The following SNX9 variants were observed in gnomAD, a reference collection of about 807,000 sequenced individuals.
The protein encoded by SNX9 is sorting nexin 9.
Under a neutral mutation model 89.4 loss-of-function variants are expected in SNX9, and 44 were observed. That is an observed-to-expected ratio of 0.49 (90% CI 0.39 to 0.63). SNX9 has a LOEUF of 0.63. Ranked by LOEUF, SNX9 falls within the 30% of genes least tolerant of loss-of-function variation. The probability of loss-of-function intolerance (pLI) is 0.00; values close to 1 mark genes in which losing one functional copy is unlikely to be tolerated. For missense variants in SNX9, 578 were observed against 736.1 expected, an observed-to-expected ratio of 0.79 and a Z score of 2.49; for synonymous variants, 236 against 247.8, an observed-to-expected ratio of 0.95 and a Z score of 0.45.
intron 9 of SNX9, among the ~76,000 whole-genome samples, chr6:157,913,290 A>G (rs11967737): frequency 0.03 from 4,550 of 151,718 alleles, 225 homozygotes; most frequent in African/African-American, 0.1. Flanking sequence ...GCATAATACT[A>G]TCTATCTATA....
chr6:157,835,577 A>G (rs141567144), intron 1 of SNX9, among the ~76,000 whole-genome samples: 2 of 151,670 alleles, frequency 1.3e-5, no homozygotes, highest in Admixed American at 6.6e-5. Flanking sequence ...TCCCCACCCA[A>G]ATCTCATCTT....
At chr6:157,934,810 C>G (rs1488958077) in intron 13 of SNX9, among the ~76,000 whole-genome samples, 8 of 152,046 alleles carry the variant, frequency 5.3e-5, no homozygotes, top group Non-Finnish European at 5.9e-5. Flanking sequence ...AAAAAAAATA[C>G]AGTTTGCCTT....
At chr6:157,869,731 T>A (rs773752143) in intron 2 of SNX9, among the ~76,000 whole-genome samples, 1 of 152,148 alleles carries the variant, frequency 6.6e-6, no homozygotes, top group Non-Finnish European at 1.5e-5. Flanking sequence ...TGTAGGTCTG[T>A]GAGACACCCC....
chr6:157,856,938 C>G (rs901473846), intron 1 of SNX9, among the ~76,000 whole-genome samples: 1 of 151,906 alleles, frequency 6.6e-6, no homozygotes, highest in Non-Finnish European at 1.5e-5. Flanking sequence ...AAAAAATGAT[C>G]TCATTCTATT....
chr6:157,890,048 G>C (rs375646282), intron 4 of SNX9, among the ~76,000 whole-genome samples: 1 of 152,228 alleles, frequency 6.6e-6, no homozygotes, highest in African/African-American at 2.4e-5. Context: ...TTCAAACCCA[G>C]ATAGCAGGCT....
intron 10 of SNX9, among the ~76,000 whole-genome samples, chr6:157,925,624 T>G (rs936091605): frequency 3.3e-5 from 5 of 152,024 alleles, no homozygotes; most frequent in African/African-American, 1.2e-4. Flanking sequence ...TATACAGCAA[T>G]GAAATGAATG....
At chr6:157,892,228 G>A (rs1271719600) in intron 4 of SNX9, among the ~76,000 whole-genome samples, 1 of 152,322 alleles carries the variant, frequency 6.6e-6, no homozygotes, top group Non-Finnish European at 1.5e-5. Context: ...CTACCAAGGG[G>A]ATTTGGGAGT....
At chr6:157,910,946 C>G (rs1487178029) in intron 9 of SNX9, among the ~76,000 whole-genome samples, 3 of 151,932 alleles carry the variant, frequency 2.0e-5, no homozygotes, top group African/African-American at 7.3e-5. Flanking sequence ...ACGGTGTAAC[C>G]CTGTCTCTAC....
intron 6 of SNX9, among the ~76,000 whole-genome samples, chr6:157,904,862 T>C (rs1783178095): frequency 6.6e-6 from 1 of 152,140 alleles, no homozygotes; most frequent in African/African-American, 2.4e-5. Context: ...GGTAAATGGA[T>C]AGCGGCAGTC....
chr6:157,831,318 T>G (rs1781474443), intron 1 of SNX9, among the ~76,000 whole-genome samples: 1 of 152,226 alleles, frequency 6.6e-6, no homozygotes, highest in Non-Finnish European at 1.5e-5. Flanking sequence ...GATTTGTGTG[T>G]GCTGATACCA....
intron 4 of SNX9, 152 bp downstream of exon 4, chr6:157,875,328 T>A: frequency 9.4e-7 from 1 of 1,065,234 alleles, no homozygotes; most frequent in Non-Finnish European, 1.3e-6. Context: ...TGTTGGGTAC[T>A]AACAAAGAAA....
intron 4 of SNX9, among the ~76,000 whole-genome samples, chr6:157,882,778 G>A (rs1782652536): frequency 6.6e-6 from 1 of 152,248 alleles, no homozygotes; most frequent in South Asian, 2.1e-4. Flanking sequence ...CAGATGAGGA[G>A]TTGCTTCTTA....
chr6:157,873,898 C>G (rs552654474), intron 3 of SNX9, among the ~76,000 whole-genome samples: 42 of 152,148 alleles, frequency 2.8e-4, no homozygotes, highest in Non-Finnish European at 5.1e-4. Context: ...GGGACACCCC[C>G]AAGCTGAGCC....
chr6:157,839,493 G>A (rs1370925406), intron 1 of SNX9, among the ~76,000 whole-genome samples: 1 of 152,218 alleles, frequency 6.6e-6, no homozygotes, highest in Admixed American at 6.5e-5. Flanking sequence ...ACTTTGAAAA[G>A]TTACTTACTG....
rs113300455 is a variant in SNX9, at chr6:157,900,140, A to C, written c.473-1758A>C. The stretch of plus-strand genomic sequence containing the variant: ...CACCTTTCTACTTTCTGCTTCTATA[A>C]GTTTTTTAGATTTTTTTAAAGACCT... On this transcript the variant is annotated intron_variant, in intron 5 of 17. Transcript: ENST00000392185. 1.5e-3 allele frequency among the ~76,000 whole-genome samples: 221 copies of C among 151,990 alleles called. 1 individual carries two copies. Among genetic ancestry groups the C allele is most frequent in the African/African-American group, 4.2e-3 (176 of 41,444 alleles).
intron 7 of SNX9, among the ~76,000 whole-genome samples, chr6:157,908,991 T>TTG (rs1429188877): frequency 6.6e-5 from 10 of 152,224 alleles, no homozygotes; most frequent in Non-Finnish European, 1.2e-4. Flanking sequence ...CTTAGGCACA[T>TTG]AGCAGTCCAC....
chr6:157,863,877 T>C (rs531677716), intron 1 of SNX9, among the ~76,000 whole-genome samples: 2 of 152,252 alleles, frequency 1.3e-5, no homozygotes, highest in Non-Finnish European at 2.9e-5. Context: ...ATTGACATGT[T>C]ATACTTATTT....
chr6:157,942,661 G>A (rs1258983156), intron 17 of SNX9, 130 bp from the exon 18 acceptor site: 1 of 957,198 alleles, frequency 1.0e-6, no homozygotes, highest in Admixed American at 2.1e-5. Flanking sequence ...GGCAGGGCTG[G>A]TGCCAAAAAG....
chr6:157,878,944 A>C (rs1263733842), intron 4 of SNX9, among the ~76,000 whole-genome samples: 1 of 152,162 alleles, frequency 6.6e-6, no homozygotes, highest in Non-Finnish European at 1.5e-5. Flanking sequence ...AGGTACTAAT[A>C]GTTAATATAC....
Sources: allele counts gnomAD v4.1 joint callset (sites outside exome capture counted in the v4.1 genomes callset), GRCh38; gene constraint gnomAD v4.1.1; transcripts MANE v1.5; gene names NCBI Gene and HGNC (gene_info 2026-07-23, HGNC 2026-07-21).